Variants in SLC35F3 observed in about 807,000 individuals in gnomAD.
The protein encoded by SLC35F3 is solute carrier family 35 member F3, also known as putative thiamine transporter SLC35F3.
SLC35F3 carries 25 observed loss-of-function variants against 49.9 expected under a neutral mutation model. The ratio of observed to expected loss-of-function variants is 0.50; its 90% CI spans 0.37 to 0.70. SLC35F3 has a LOEUF of 0.70. Among genes scored for constraint, SLC35F3 ranks in the 30% least tolerant of loss-of-function variants. The probability of loss-of-function intolerance (pLI) is 0.00; values close to 1 mark genes in which losing one functional copy is unlikely to be tolerated. For synonymous variants in SLC35F3, 275 were observed against 265.4 expected (o/e 1.04, Z -0.35); for missense variants, 525 against 639.8 (o/e 0.82, Z 1.94).
chr1:234,082,979 C>G (rs1471586283), intron 2 of SLC35F3, among the ~76,000 whole-genome samples: 1 of 152,176 alleles, frequency 6.6e-6, no homozygotes, highest in Non-Finnish European at 1.5e-5. Context: ...TCCTTGCTTC[C>G]TAACTGTGAG....
At chr1:233,908,895 G>A (rs530433609) in intron 2 of SLC35F3, among the ~76,000 whole-genome samples, 2 of 150,588 alleles carry the variant, frequency 1.3e-5, no homozygotes, top group South Asian at 2.1e-4. Flanking sequence ...TTGCTCTGTC[G>A]CCCAGGCTAG....
At chr1:234,305,305 A>G (rs1657129787) in intron 3 of SLC35F3, among the ~76,000 whole-genome samples, 1 of 152,104 alleles carries the variant, frequency 6.6e-6, no homozygotes, top group African/African-American at 2.4e-5. Flanking sequence ...CAGAACTTAT[A>G]GATTTTTACC....
rs373374214 is a variant in SLC35F3 at position 233,935,864 on chromosome 1, G to A, written c.283+30106G>A. 2.6e-5 allele frequency among the ~76,000 whole-genome samples: 4 copies of A among 152,192 alleles called. No homozygotes were observed. The South Asian group carries it at 8.3e-4, about 32-fold the overall frequency. Reference sequence around the variant, plus strand: ...TGATTCCTTGTTACTCATTGGTATGGATGCCTCCTTTTTCATTCATCCTCT... The same window carrying A: ...TGATTCCTTGTTACTCATTGGTATGAATGCCTCCTTTTTCATTCATCCTCT... On this transcript the variant is annotated intron_variant, in intron 2 of 7. Transcript: ENST00000366618.
At chr1:234,042,565 G>T (rs1386951548) in intron 2 of SLC35F3, among the ~76,000 whole-genome samples, 2 of 152,048 alleles carry the variant, frequency 1.3e-5, no homozygotes, top group Non-Finnish European at 2.9e-5. Context: ...TAAAGAGCAT[G>T]CATCTGTCTT....
intron 3 of SLC35F3, among the ~76,000 whole-genome samples, chr1:234,278,749 T>G: frequency 6.6e-6 from 1 of 152,196 alleles, no homozygotes; most frequent in East Asian, 1.9e-4. Context: ...TGCAGAGAGC[T>G]GTCTTCTTGT....
intron 2 of SLC35F3, among the ~76,000 whole-genome samples, chr1:234,061,356 A>G (rs933013157): frequency 7.2e-5 from 11 of 152,210 alleles, no homozygotes; most frequent in African/African-American, 2.6e-4. Context: ...CTTTTAAATG[A>G]TAAGCCAGTT....
rs77853332 is a variant in SLC35F3 at position 234,200,432 on chromosome 1, A to G, written c.284-30985A>G. 1.7e-3 allele frequency among the ~76,000 whole-genome samples: 263 copies of G among 152,236 alleles called. 1 individual carries two copies. Among genetic ancestry groups the G allele is most frequent in the Non-Finnish European group, 3.0e-3 (206 of 68,028 alleles). On this transcript the variant is annotated intron_variant, in intron 2 of 7. Coordinates refer to ENST00000366618, the MANE Select transcript of SLC35F3 (RefSeq NM_173508.4). ...TCCTATTCTATGGGTTGTCTTTTCA[A>G]TGCTTTGATGGTGAGAAGCATGAGT...
intron 2 of SLC35F3, among the ~76,000 whole-genome samples, chr1:233,946,673 C>T (rs1288995265): frequency 1.3e-5 from 2 of 152,214 alleles, no homozygotes; most frequent in African/African-American, 4.8e-5. Context: ...TTGGAAAGCA[C>T]TGCTCTGAGG....
chr1:233,925,072 A>G (rs563394312), intron 2 of SLC35F3, among the ~76,000 whole-genome samples: 1 of 152,284 alleles, frequency 6.6e-6, no homozygotes, highest in South Asian at 2.1e-4. Flanking sequence ...CAATTTTGGA[A>G]TAGGTGTGGT....
In SLC35F3 at chr1:233,957,766, G is replaced by A. The variant is rs1296353736; in HGVS notation, c.283+52008G>A. Among the ~76,000 whole-genome samples, 2 of 151,998 alleles carry A rather than the reference G, an allele frequency of 1.3e-5. No individual in the cohort carries two copies. Among genetic ancestry groups the A allele is most frequent in the Non-Finnish European group, 2.9e-5 (2 of 68,006 alleles). ...AGAGGATGAGGTTGCATTGAGCCGA[G>A]ACTGCATGATTGCACTCCACCTAGG... On this transcript the variant is annotated intron_variant, in intron 2 of 7. Transcript: ENST00000366618. This position sits in a 1 kb window ranked among gnomAD's most constrained non-coding sequence, Gnocchi z 4.0.
intron 2 of SLC35F3, among the ~76,000 whole-genome samples, chr1:233,917,690 G>C (rs533382409): frequency 6.6e-6 from 1 of 152,128 alleles, no homozygotes; most frequent in Non-Finnish European, 1.5e-5. Context: ...TGTACATTAT[G>C]TTTGTAGAGT....
intron 2 of SLC35F3, among the ~76,000 whole-genome samples, chr1:233,983,703 A>G (rs1663221394): frequency 6.6e-6 from 1 of 152,184 alleles, no homozygotes; most frequent in African/African-American, 2.4e-5. Context: ...AGAATTTAAG[A>G]TGATCAGTGT....
intron 3 of SLC35F3, among the ~76,000 whole-genome samples, chr1:234,283,854 C>G (rs1002328450): frequency 6.6e-6 from 1 of 152,182 alleles, no homozygotes; most frequent in South Asian, 2.1e-4. Context: ...TTTGCAGTAC[C>G]AATACCCCTT....
At chr1:234,034,166 T>C (rs1664106105) in intron 2 of SLC35F3, among the ~76,000 whole-genome samples, 1 of 152,218 alleles carries the variant, frequency 6.6e-6, no homozygotes, top group African/African-American at 2.4e-5. Context: ...TGGTCGCTGT[T>C]GATGTTTAGC....
rs1223502426 is a variant in SLC35F3 at position 233,957,253 on chromosome 1, T to G, written c.283+51495T>G. 6.6e-6 allele frequency among the ~76,000 whole-genome samples: 1 copy of G among 152,114 alleles called. No homozygotes were observed. The highest frequency in any genetic ancestry group is 1.5e-5 in the Non-Finnish European group (1 of 67,998). ...ATTGGATTTTTGAACTGGACTGAAATGTACTACTTAAGGAGGCTGAATATA... is the reference window on the plus strand; with the variant it reads ...ATTGGATTTTTGAACTGGACTGAAAGGTACTACTTAAGGAGGCTGAATATA... On this transcript the variant is annotated intron_variant, in intron 2 of 7. Transcript: ENST00000366618. This position sits in a 1 kb window ranked among gnomAD's most constrained non-coding sequence, Gnocchi z 4.0.
intron 3 of SLC35F3, among the ~76,000 whole-genome samples, chr1:234,241,563 C>G (rs754947759): frequency 5.3e-4 from 80 of 151,966 alleles, no homozygotes; most frequent in Admixed American, 9.2e-4. Flanking sequence ...TGGCAAAACC[C>G]CATTTCTACT....
intron 2 of SLC35F3, among the ~76,000 whole-genome samples, chr1:233,977,497 G>A (rs1452916153): frequency 1.3e-5 from 2 of 152,152 alleles, no homozygotes; most frequent in Admixed American, 1.3e-4. Context: ...TAGGGGACAG[G>A]GAGCTGCACG....
intron 2 of SLC35F3, among the ~76,000 whole-genome samples, chr1:234,055,531 C>T (rs1227651357): frequency 6.6e-6 from 1 of 152,182 alleles, no homozygotes; most frequent in East Asian, 1.9e-4. Context: ...GTGGGAGTTT[C>T]CCGATTTTCC....
intron 2 of SLC35F3, among the ~76,000 whole-genome samples, chr1:233,968,913 C>T (rs971757428): frequency 2.6e-5 from 4 of 152,124 alleles, no homozygotes; most frequent in African/African-American, 9.7e-5. Context: ...TGAGAACATG[C>T]AGTATTTGGT....
Sources: gnomAD v4.1 joint callset for allele counts (sites outside exome capture counted in the v4.1 genomes callset) on GRCh38, gnomAD v4.1.1 for gene constraint, Gnocchi (gnomAD v3.1) non-coding constraint, MANE v1.5 for transcripts, NCBI Gene and HGNC (gene_info 2026-07-23, HGNC 2026-07-21) for gene names.